NALCN: variants seen among roughly 807,000 people sequenced by gnomAD.
NALCN encodes sodium leak channel, non-selective.
In NALCN, 111 loss-of-function variants were observed where a neutral mutation model predicts 225.3. The observed-to-expected ratio is 0.49, with a 90% CI of 0.42 to 0.58. NALCN has a LOEUF of 0.58. Among genes scored for constraint, NALCN ranks in the 20% least tolerant of loss-of-function variants. The probability of loss-of-function intolerance (pLI) is 0.00; values close to 1 mark genes in which losing one functional copy is unlikely to be tolerated. For synonymous variants in NALCN, 764 were observed against 769.0 expected (o/e 0.99, Z 0.11); for missense variants, 1,378 against 2,202.4 (o/e 0.63, Z 7.49).
intron 1 of NALCN, among the ~76,000 whole-genome samples, chr13:101,404,362 A>G (rs1043585601): frequency 2.6e-5 from 4 of 152,256 alleles, no homozygotes; most frequent in Non-Finnish European, 4.4e-5. Context: ...TTAAGTTAGA[A>G]GAAAATAATT....
Position 101,089,671 on chromosome 13 carries a change from CA to C in NALCN, c.3480del (p.Asn1160LysfsTer9). On this transcript the variant is annotated frameshift_variant, in exon 30 of 44. Transcript: ENST00000251127. LOFTEE classifies it high-confidence loss of function. The surrounding 1 kb of genome is among the most constrained non-coding windows in gnomAD (Gnocchi z 4.7). Reference protein sequence around the residue: ...LFVGVVIANFNENKGTALLTV... With the variant: ...LFVGVVIANFXENKGTALLTV... ...AAACCAAAAATCCTTACCTTGTTTTCATTGAAATTAGCAATAACTACTCCAA... is the reference window on the plus strand; with the variant it reads ...AAACCAAAAATCCTTACCTTGTTTTCTTGAAATTAGCAATAACTACTCCAA... 1 of 1,613,756 alleles carries C rather than the reference CA, an allele frequency of 6.2e-7. No homozygotes were observed. Among genetic ancestry groups the C allele is most frequent in the Non-Finnish European group, 8.5e-7 (1 of 1,179,894 alleles).
intron 14 of NALCN, among the ~76,000 whole-genome samples, chr13:101,187,473 T>G (rs1205618090): frequency 6.6e-6 from 1 of 152,166 alleles, no homozygotes; most frequent in Non-Finnish European, 1.5e-5. Context: ...GACAAAATAC[T>G]GCCTAAGAGA....
At chr13:101,255,200 C>T (rs1820150096) in intron 11 of NALCN, among the ~76,000 whole-genome samples, 1 of 152,056 alleles carries the variant, frequency 6.6e-6, no homozygotes, top group East Asian at 1.9e-4. Context: ...ACCAACTACC[C>T]CTGGACTCTA....
intron 14 of NALCN, among the ~76,000 whole-genome samples, chr13:101,186,477 G>C (rs1011711617): frequency 6.6e-6 from 1 of 152,040 alleles, no homozygotes; most frequent in Admixed American, 6.5e-5. Context: ...TTAGTCTAAG[G>C]GTACAAAGGA....
intron 13 of NALCN, among the ~76,000 whole-genome samples, chr13:101,223,993 C>T (rs928028640): frequency 1.3e-5 from 2 of 152,168 alleles, no homozygotes; most frequent in African/African-American, 4.8e-5. Flanking sequence ...CCAATTCCCT[C>T]CTTACACCTA....
At chr13:101,221,908 T>C (rs2040955157) in intron 13 of NALCN, among the ~76,000 whole-genome samples, 1 of 152,194 alleles carries the variant, frequency 6.6e-6, no homozygotes, top group South Asian at 2.1e-4. Context: ...AATTTTGCCA[T>C]TATTGCTAAA....
intron 6 of NALCN, among the ~76,000 whole-genome samples, chr13:101,355,883 G>T (rs1032206303): frequency 6.6e-6 from 1 of 152,120 alleles, no homozygotes; most frequent in Non-Finnish European, 1.5e-5. Flanking sequence ...TTAGAACTCA[G>T]GATTAAGAAA....
At chr13:101,197,212 G>C (rs183210138) in intron 13 of NALCN, among the ~76,000 whole-genome samples, 1 of 152,258 alleles carries the variant, frequency 6.6e-6, no homozygotes, top group East Asian at 1.9e-4. Context: ...GTTTTTCCAA[G>C]TTTATTTCTT....
At chr13:101,323,860 C>A (rs980409581) in intron 7 of NALCN, among the ~76,000 whole-genome samples, 1 of 152,140 alleles carries the variant, frequency 6.6e-6, no homozygotes, top group Non-Finnish European at 1.5e-5. Context: ...CTGAAGACTT[C>A]TGTTTGGAAA....
rs766006868 is a variant in NALCN at position 101,378,557 on chromosome 13, A to C, written c.375+13T>G. The C allele has an allele frequency of 5.7e-6, 9 of 1,584,626 alleles. No individual in the cohort carries two copies. Among genetic ancestry groups the C allele is most frequent in the Admixed American group, 1.8e-5 (1 of 57,110 alleles). ...GAGAATACCTGCTTGTAATTTAAAA[A>C]ATATTTAATTACCTGTAGCACCAAA... On this transcript the variant is annotated intron_variant, in intron 4 of 43. Coordinates refer to ENST00000251127, the MANE Select transcript of NALCN (RefSeq NM_052867.4).
chr13:101,134,727 C>T (rs1329731570), intron 17 of NALCN, among the ~76,000 whole-genome samples: 9 of 151,350 alleles, frequency 5.9e-5, no homozygotes, highest in Non-Finnish European at 2.9e-5. Flanking sequence ...TTTTTTTGCA[C>T]GTGAATGTTA....
intron 6 of NALCN, among the ~76,000 whole-genome samples, chr13:101,375,559 T>C (rs2046665055): frequency 6.6e-6 from 1 of 152,156 alleles, no homozygotes; most frequent in African/African-American, 2.4e-5. Flanking sequence ...ATATACCCAA[T>C]TGGTTTGTAA....
At position 101,243,025 on chromosome 13, in the gene NALCN, T is replaced by C. The variant is rs1455493849; in HGVS notation, c.1267-5103A>G. ...GCAACCTAGGAAGGTCACCAGGACA[T>C]GAGTAAGCATCTATTTTCATTTAAT... On this transcript the variant is annotated intron_variant, in intron 11 of 43. Coordinates refer to ENST00000251127, the MANE Select transcript of NALCN (RefSeq NM_052867.4). Among the ~76,000 whole-genome samples, 2 of 104,124 alleles carry C rather than the reference T, an allele frequency of 1.9e-5. 1 individual carries two copies. Among genetic ancestry groups the C allele is most frequent in the Non-Finnish European group, 4.3e-5 (2 of 46,922 alleles). 68.3% of individuals were successfully genotyped at this position (104,124 alleles called of 152,430 possible). A position where few individuals can be genotyped will look rare whatever the true frequency, so the allele number is the denominator to read the frequency against.
At chr13:101,070,457 A>G (rs1481726563) in intron 37 of NALCN, among the ~76,000 whole-genome samples, 1 of 152,210 alleles carries the variant, frequency 6.6e-6, no homozygotes, top group African/African-American at 2.4e-5. Context: ...ATCACTATCT[A>G]TGGCAGCTAT....
At chr13:101,379,452 A>G (rs912061429) in intron 3 of NALCN, among the ~76,000 whole-genome samples, 3 of 152,188 alleles carry the variant, frequency 2.0e-5, no homozygotes, top group Non-Finnish European at 2.9e-5. Context: ...AATAGCAAAG[A>G]CTTGGAATCA....
chr13:101,371,205 G>A (rs2046528828), intron 6 of NALCN, among the ~76,000 whole-genome samples: 1 of 152,184 alleles, frequency 6.6e-6, no homozygotes, highest in South Asian at 2.1e-4. Flanking sequence ...TAAAGTTGCT[G>A]TGGGCATTCA....
rs2041793705 is a variant in NALCN, at chr13:101,242,813, A to T, written c.1267-4891T>A. ...ATGCATTTTTAACACTGACAGATGAACATGTTGTCTGTGTTCAGATTCTGT... is the reference window on the plus strand; with the variant it reads ...ATGCATTTTTAACACTGACAGATGATCATGTTGTCTGTGTTCAGATTCTGT... On this transcript the variant is annotated intron_variant, in intron 11 of 43. Transcript: ENST00000251127. 1.9e-5 allele frequency among the ~76,000 whole-genome samples: 2 copies of T among 106,288 alleles called. 1 individual carries two copies. Among genetic ancestry groups the T allele is most frequent in the Non-Finnish European group, 4.2e-5 (2 of 47,460 alleles). The allele number at this position is 106,288 out of a possible 152,430, so 69.7% of individuals were successfully genotyped here. A position where few individuals can be genotyped will look rare whatever the true frequency, so the allele number is the denominator to read the frequency against.
In NALCN at chr13:101,144,809, T is replaced by C; in HGVS notation, c.1927A>G (p.Met643Val). The change falls in exon 16 of 44, where the codon ATG (methionine) becomes GTG (valine). Residue 643 changes from methionine to valine, a missense_variant. Met to Val is a conservative substitution (Grantham distance 21). Around this residue, in one of 19 missense-constraint regions of NALCN, gnomAD observed 62 missense variants for 143.6 expected, o/e 0.43. Coordinates refer to ENST00000251127, the MANE Select transcript of NALCN (RefSeq NM_052867.4). ...GAAGGAAGCTTTGAGATTTTCACCA[T>C]TTGAGGTCTGTTTGGAAATTTTTCA... is the stretch of plus-strand genomic sequence containing the variant. The part of the protein sequence containing the change: ...IFEKFPNRPQ[M>V]VKISKLPSDF... 6.2e-7 allele frequency: 1 copy of C among 1,613,752 alleles called. No homozygotes were observed. The highest frequency in any genetic ancestry group is 1.7e-5 in the Admixed American group (1 of 59,994).
intron 11 of NALCN, among the ~76,000 whole-genome samples, chr13:101,251,991 G>T (rs1033926887): frequency 6.6e-5 from 10 of 152,168 alleles, no homozygotes; most frequent in Non-Finnish European, 1.5e-4. Context: ...ATATGGATAT[G>T]ATGTGTTGAG....
Sources: gnomAD v4.1 joint callset for allele counts (sites outside exome capture counted in the v4.1 genomes callset) on GRCh38, gnomAD v4.1.1 for gene constraint, gnomAD v4.1.1 regional missense constraint, Gnocchi (gnomAD v3.1) non-coding constraint, MANE v1.5 for transcripts, NCBI Gene and HGNC (gene_info 2026-07-23, HGNC 2026-07-21) for gene names.